KCNH5: variants seen among roughly 807,000 people sequenced by gnomAD.
KCNH5 encodes voltage-gated delayed rectifier potassium channel KCNH5.
KCNH5 carries 46 observed loss-of-function variants against 96.1 expected under a neutral mutation model. The ratio of observed to expected loss-of-function variants is 0.48; its 90% confidence interval spans 0.38 to 0.61. The LOEUF is 0.61. KCNH5 is among the 20% of genes least tolerant of loss of function. The pLI, the probability that KCNH5 is intolerant of heterozygous loss-of-function variation, is 0.00. For synonymous variants in KCNH5, 439 were observed against 449.8 expected (o/e 0.98, Z 0.30); for missense variants, 907 against 1,225.8 (o/e 0.74, Z 3.88).
intron 9 of KCNH5, among the ~76,000 whole-genome samples, chr14:62,801,848 A>G (rs565028153): frequency 3.3e-4 from 50 of 152,174 alleles, no homozygotes; most frequent in African/African-American, 1.2e-3. Flanking sequence ...TGAGGGAGAA[A>G]GTTCTGGGGT....
intron 10 of KCNH5, among the ~76,000 whole-genome samples, chr14:62,770,805 A>G (rs1885969503): frequency 6.6e-6 from 1 of 152,204 alleles, no homozygotes; most frequent in Non-Finnish European, 1.5e-5. Flanking sequence ...TTTTGATTTT[A>G]ACATATTTTC....
intron 8 of KCNH5, among the ~76,000 whole-genome samples, chr14:62,840,140 C>T (rs1320804442): frequency 6.6e-6 from 1 of 152,132 alleles, no homozygotes; most frequent in African/African-American, 2.4e-5. Context: ...TAGTTTCCTT[C>T]CATATGAATG....
At chr14:62,787,866 G>C (rs547466788) in intron 9 of KCNH5, among the ~76,000 whole-genome samples, 1 of 152,288 alleles carries the variant, frequency 6.6e-6, no homozygotes, top group South Asian at 2.1e-4. Flanking sequence ...CAGAAAAAAA[G>C]ATTCATTTGA....
intron 7 of KCNH5, among the ~76,000 whole-genome samples, chr14:62,853,481 C>CATATATATATATATATATATG (rs1306077655): frequency 2.9e-4 from 12 of 41,324 alleles, no homozygotes; most frequent in African/African-American, 1.0e-3. Flanking sequence ...ATATATATAT[C>CATATATATATATATATATATG]ATATATATAT....
At chr14:62,857,881 G>A (rs1887959940) in intron 7 of KCNH5, among the ~76,000 whole-genome samples, 1 of 152,022 alleles carries the variant, frequency 6.6e-6, no homozygotes, top group Non-Finnish European at 1.5e-5. Context: ...TCCACTCCTT[G>A]TCAACTTGAA....
intron 6 of KCNH5, among the ~76,000 whole-genome samples, chr14:62,970,044 T>TAAAA (rs373852520): frequency 3.3e-4 from 10 of 30,418 alleles, no homozygotes; most frequent in African/African-American, 1.1e-3. Context: ...AGACTCCGTC[T>TAAAA]AAAAAAAAAA....
intron 10 of KCNH5, among the ~76,000 whole-genome samples, chr14:62,748,951 G>A (rs1046397216): frequency 2.0e-5 from 3 of 152,122 alleles, no homozygotes; most frequent in African/African-American, 7.2e-5. Flanking sequence ...GAACCAAGCC[G>A]ATATAGGGTC....
At chr14:62,762,405 C>T (rs1885770422) in intron 10 of KCNH5, among the ~76,000 whole-genome samples, 1 of 152,180 alleles carries the variant, frequency 6.6e-6, no homozygotes, top group Non-Finnish European at 1.5e-5. Flanking sequence ...AGCTCCTTCA[C>T]CAGTAGACCC....
intron 3 of KCNH5, among the ~76,000 whole-genome samples, chr14:63,003,240 T>C (rs1891044058): frequency 6.6e-6 from 1 of 151,210 alleles, no homozygotes; most frequent in Admixed American, 6.7e-5. Flanking sequence ...GGGTCATATT[T>C]CCCCAAGTAG....
At chr14:62,925,523 C>G (rs1490056850) in intron 7 of KCNH5, among the ~76,000 whole-genome samples, 2 of 151,986 alleles carry the variant, frequency 1.3e-5, no homozygotes, top group Non-Finnish European at 2.9e-5. Context: ...CTAAAATATA[C>G]TTACATATGT....
At position 62,849,703 on chromosome 14, in the gene KCNH5, C is replaced by A; in HGVS notation, c.1519G>T (p.Asp507Tyr). ...VPKGLSERVM[D>Y]YIVSTWSMSK... is the part of the protein sequence containing the mutation. ...ATGGACCATGTTGAGACAATATAAT[C>A]CATGACTCGCTCACTAAGGCCTTTT... is the stretch of plus-strand genomic sequence containing the variant. The change falls in exon 8 of 11, where the codon GAT (aspartate) becomes TAT (tyrosine). Residue 507 changes from aspartate to tyrosine, a missense_variant. Physicochemically the swap from Asp to Tyr is radical, Grantham distance 160. Around this residue, in one of 6 missense-constraint regions of KCNH5, gnomAD observed 95 missense variants for 111.8 expected, o/e 0.85. Transcript: ENST00000322893. 6.2e-7 allele frequency: 1 copy of A among 1,613,822 alleles called. No homozygotes were observed. Among genetic ancestry groups the A allele is most frequent in the Non-Finnish European group, 8.5e-7 (1 of 1,179,844 alleles).
At chr14:62,729,871 C>A (rs1885013583) in intron 10 of KCNH5, among the ~76,000 whole-genome samples, 1 of 152,126 alleles carries the variant, frequency 6.6e-6, no homozygotes, top group African/African-American at 2.4e-5. Flanking sequence ...ATCTAGGGGA[C>A]AAAGAAGTCA....
chr14:62,971,804 TA>T (rs201465552), intron 6 of KCNH5, among the ~76,000 whole-genome samples: 12 of 147,882 alleles, frequency 8.1e-5, no homozygotes, highest in East Asian at 2.0e-4. Flanking sequence ...ATAGCCAAAT[TA>T]AAAAAAAAAG....
At chr14:62,760,287 C>T (rs1197531824) in intron 10 of KCNH5, among the ~76,000 whole-genome samples, 2 of 152,262 alleles carry the variant, frequency 1.3e-5, no homozygotes, top group South Asian at 4.1e-4. Context: ...TTTCAAAGGA[C>T]CCGTGTTACA....
intron 7 of KCNH5, among the ~76,000 whole-genome samples, chr14:62,942,461 TGA>T (rs1164664448): frequency 6.6e-6 from 1 of 152,224 alleles, no homozygotes; most frequent in African/African-American, 2.4e-5. Context: ...AACCTCAGCT[TGA>T]CTTTTATCTG....
chr14:63,031,610 G>C (rs1008481747), intron 1 of KCNH5, among the ~76,000 whole-genome samples: 3 of 152,130 alleles, frequency 2.0e-5, no homozygotes, highest in African/African-American at 7.2e-5. Flanking sequence ...AAGGAAATGG[G>C]AGAAATCAAA....
rs533775029 is a variant in KCNH5 at position 62,969,517 on chromosome 14, A to G, written c.942+11355T>C. Among the ~76,000 whole-genome samples, 13 of 152,240 alleles carry G rather than the reference A, an allele frequency of 8.5e-5. 1 individual carries two copies. The South Asian group carries it at 2.7e-3, about 32-fold the overall frequency. On this transcript the variant is annotated intron_variant, in intron 6 of 10. Coordinates refer to ENST00000322893, the MANE Select transcript of KCNH5 (RefSeq NM_139318.5). ...AACCAAACACCACATGTTCTTACTC[A>G]TAAGTCGGAGCTGAATAATGAGAGC...
At chr14:63,003,463 TTA>T (rs1238729920) in intron 3 of KCNH5, among the ~76,000 whole-genome samples, 3 of 132,682 alleles carry the variant, frequency 2.3e-5, no homozygotes, top group African/African-American at 8.6e-5. Flanking sequence ...TATATATATT[TTA>T]TATATATTAT....
chr14:62,993,680 C>A (rs987535212), intron 4 of KCNH5, among the ~76,000 whole-genome samples: 14 of 152,014 alleles, frequency 9.2e-5, no homozygotes, highest in African/African-American at 2.7e-4. Context: ...TGATCTCCCA[C>A]CAACTTGTAC....
Sources: gnomAD v4.1 joint callset for allele counts (sites outside exome capture counted in the v4.1 genomes callset) on GRCh38, gnomAD v4.1.1 for gene constraint, gnomAD v4.1.1 regional missense constraint, MANE v1.5 for transcripts, NCBI Gene and HGNC (gene_info 2026-07-23, HGNC 2026-07-21) for gene names.